Variants in TSHZ1 observed in about 807,000 individuals in gnomAD.
TSHZ1 encodes the protein teashirt zinc finger homeobox 1.
TSHZ1 carries 12 observed loss-of-function variants against 67.1 expected under a neutral mutation model. The observed-to-expected ratio is 0.18, with a 90% CI of 0.11 to 0.29. The LOEUF is 0.29. TSHZ1 is among the 10% of genes least tolerant of loss of function. The probability of loss-of-function intolerance (pLI) is 1.00; values close to 1 mark genes in which losing one functional copy is unlikely to be tolerated. For missense variants in TSHZ1, 1,305 were observed against 1,413.9 expected (o/e 0.92, Z 1.23); for synonymous variants, 632 against 622.4 (o/e 1.02, Z -0.23).
chr18:75,266,091 G>T (rs562700432), intron 1 of TSHZ1, among the ~76,000 whole-genome samples: 2 of 152,128 alleles, frequency 1.3e-5, no homozygotes, highest in African/African-American at 4.8e-5. Flanking sequence ...CCCCATCCCC[G>T]GGTGAGTGAT....
At chr18:75,215,565 CAG>C (rs1428818747) in intron 1 of TSHZ1, among the ~76,000 whole-genome samples, 1 of 152,222 alleles carries the variant, frequency 6.6e-6, no homozygotes, top group Non-Finnish European at 1.5e-5. Flanking sequence ...CTCAGTTGAA[CAG>C]AGGAGGGAAA....
At chr18:75,225,024 G>C (rs774644567) in intron 1 of TSHZ1, among the ~76,000 whole-genome samples, 4 of 151,876 alleles carry the variant, frequency 2.6e-5, no homozygotes, top group Admixed American at 6.6e-5. Context: ...GTTGTACTTA[G>C]AGAATTTGCT....
chr18:75,213,559 G>C (rs564036656), intron 1 of TSHZ1, among the ~76,000 whole-genome samples: 1 of 151,998 alleles, frequency 6.6e-6, no homozygotes, highest in African/African-American at 2.4e-5. Context: ...TTAAAATTGC[G>C]GTGAATATTT....
intron 1 of TSHZ1, among the ~76,000 whole-genome samples, chr18:75,257,465 G>A (rs2023375205): frequency 6.6e-6 from 1 of 152,150 alleles, no homozygotes. Flanking sequence ...ATTAATAAGA[G>A]CAAGTGCTTG....
Position 75,281,842 on chromosome 18 carries a change from C to T in TSHZ1, c.41-3606C>T, listed in dbSNP as rs951214210. Among the ~76,000 whole-genome samples, 6 of 152,060 alleles carry T rather than the reference C, an allele frequency of 3.9e-5. No individual in the cohort carries two copies. Among genetic ancestry groups the T allele is most frequent in the Non-Finnish European group, 8.8e-5 (6 of 67,972 alleles). On this transcript the variant is annotated intron_variant, in intron 1 of 1. Transcript: ENST00000580243. The surrounding 1 kb of genome is among the most constrained non-coding windows in gnomAD (Gnocchi z 5.3). The stretch of plus-strand genomic sequence containing the variant: ...ATGCTAGGTGCGGGCAGGGAGAGCC[C>T]GAACCTGTGGGGGCCCAGCCTTCAC...
chr18:75,248,906 G>A (rs1265921018), intron 1 of TSHZ1, among the ~76,000 whole-genome samples: 4 of 152,316 alleles, frequency 2.6e-5, no homozygotes, highest in South Asian at 2.1e-4. Flanking sequence ...CTGGTGTGCC[G>A]TGAAGCCATA....
intron 1 of TSHZ1, among the ~76,000 whole-genome samples, chr18:75,267,514 C>G (rs576222340): frequency 6.6e-6 from 1 of 152,078 alleles, no homozygotes; most frequent in African/African-American, 2.4e-5. Flanking sequence ...AAACACATCA[C>G]GGGCAATAGG....
chr18:75,264,848 T>C (rs2023471723), intron 1 of TSHZ1, among the ~76,000 whole-genome samples: 1 of 152,218 alleles, frequency 6.6e-6, no homozygotes, highest in Non-Finnish European at 1.5e-5. Context: ...CAAACATTTC[T>C]AGTTATGAAT....
intron 1 of TSHZ1, among the ~76,000 whole-genome samples, chr18:75,238,019 T>C (rs7243343): frequency 0.096 from 14,621 of 151,994 alleles, 775 homozygotes; most frequent in African/African-American, 0.1. Context: ...TCCATGTTGG[T>C]CAGGCTGGGC....
intron 1 of TSHZ1, among the ~76,000 whole-genome samples, chr18:75,259,706 A>T (rs2023406518): frequency 6.6e-6 from 1 of 152,224 alleles, no homozygotes; most frequent in South Asian, 2.1e-4. Context: ...ATTAAATTTT[A>T]TAATGGGTAT....
intron 1 of TSHZ1, among the ~76,000 whole-genome samples, chr18:75,236,106 C>T (rs1035697987): frequency 5.3e-5 from 8 of 152,158 alleles, no homozygotes; most frequent in African/African-American, 1.2e-4. Flanking sequence ...AGGAAGTGTG[C>T]GTGATAGGAA....
At chr18:75,274,590 T>C (rs1281045794) in intron 1 of TSHZ1, among the ~76,000 whole-genome samples, 2 of 152,222 alleles carry the variant, frequency 1.3e-5, no homozygotes, top group Non-Finnish European at 2.9e-5. Flanking sequence ...GTTAGAAAAC[T>C]GTAGCTTATA....
chr18:75,280,834 C>G, intron 1 of TSHZ1: 2 of 985,250 alleles, frequency 2.0e-6, no homozygotes. Context: ...CCAGATTCTT[C>G]CAGGAGTGGT....
chr18:75,237,119 G>T (rs1228560031), intron 1 of TSHZ1, among the ~76,000 whole-genome samples: 1 of 152,198 alleles, frequency 6.6e-6, no homozygotes, highest in Admixed American at 6.5e-5. Flanking sequence ...TCAACAGTGA[G>T]TTCAGCCAAA....
chr18:75,258,828 C>A (rs1568362404), intron 1 of TSHZ1, among the ~76,000 whole-genome samples: 1 of 152,124 alleles, frequency 6.6e-6, no homozygotes, highest in Non-Finnish European at 1.5e-5. Flanking sequence ...ACTGTGCCAT[C>A]CACTGATGGA....
rs1205962722 is a variant in TSHZ1, at chr18:75,288,814, T to C, written c.*173T>C. Reference sequence around the variant, plus strand: ...ATATGCTCTCTGTCCGATCTGTGCATGTTATTTTTCTTTTTCCGTGAGTCA... The same window carrying C: ...ATATGCTCTCTGTCCGATCTGTGCACGTTATTTTTCTTTTTCCGTGAGTCA... On this transcript the variant is annotated 3_prime_UTR_variant, in exon 2 of 2. Coordinates refer to ENST00000580243, the MANE Select transcript of TSHZ1 (RefSeq NM_001308210.2). The surrounding 1 kb of genome is among the most constrained non-coding windows in gnomAD (Gnocchi z 4.9). The C allele has an allele frequency of 3.6e-6, 4 of 1,110,688 alleles. No individual in the cohort carries two copies. Among genetic ancestry groups the C allele is most frequent in the Non-Finnish European group, 4.8e-6 (4 of 827,004 alleles). 68.8% of individuals were successfully genotyped at this position (1,110,688 alleles called of 1,614,324 possible).
chr18:75,235,927 T>C (rs748561995), intron 1 of TSHZ1, among the ~76,000 whole-genome samples: 1 of 152,204 alleles, frequency 6.6e-6, no homozygotes, highest in Non-Finnish European at 1.5e-5. Flanking sequence ...ACTCCTGTGC[T>C]GCGGCGTTGA....
intron 1 of TSHZ1, among the ~76,000 whole-genome samples, chr18:75,225,553 T>G (rs958371717): frequency 6.6e-6 from 1 of 152,172 alleles, no homozygotes; most frequent in African/African-American, 2.4e-5. Flanking sequence ...GCAGGTCTTC[T>G]GAGAACTAGG....
Position 75,288,489 on chromosome 18 carries a change from GCCA to G in TSHZ1, c.3085_3087del (p.Thr1029del), listed in dbSNP as rs757974293. On this transcript the variant is annotated inframe_deletion, in exon 2 of 2. Coordinates refer to ENST00000580243, the MANE Select transcript of TSHZ1 (RefSeq NM_001308210.2). This position sits in a 1 kb window ranked among gnomAD's most constrained non-coding sequence, Gnocchi z 4.9. Reference sequence around the variant, plus strand: ...CAACAAAACTCTGGGCCCACTGGGGGCCACCGAGGAAGACTTGGGCTCCACATT... The same window carrying G: ...CAACAAAACTCTGGGCCCACTGGGGGCCGAGGAAGACTTGGGCTCCACATT... 2.5e-5 allele frequency: 41 copies of G among 1,614,024 alleles called. No individual in the cohort carries two copies. The African/African-American group carries it at 3.9e-4, about 15-fold the overall frequency.
Sources: gnomAD v4.1 joint callset for allele counts (sites outside exome capture counted in the v4.1 genomes callset) on GRCh38, gnomAD v4.1.1 for gene constraint, Gnocchi (gnomAD v3.1) non-coding constraint, MANE v1.5 for transcripts, NCBI Gene and HGNC (gene_info 2026-07-23, HGNC 2026-07-21) for gene names.